Variants in GPM6A observed in about 807,000 individuals in gnomAD.
GPM6A encodes the protein neuronal membrane glycoprotein M6-a.
In GPM6A, 7 loss-of-function variants were observed where a neutral mutation model predicts 32.1. The ratio of observed to expected loss-of-function variants is 0.22; its 90% CI spans 0.12 to 0.41. The LOEUF (loss-of-function observed/expected upper bound fraction) is 0.41. GPM6A is among the 10% of genes least tolerant of loss of function. The probability of loss-of-function intolerance (pLI) is 1.00; values close to 1 mark genes in which losing one functional copy is unlikely to be tolerated. For synonymous variants in GPM6A, 130 were observed against 123.4 expected, an observed-to-expected ratio of 1.05 and a Z score of -0.35; for missense variants, 235 against 347.2, an observed-to-expected ratio of 0.68 and a Z score of 2.57.
chr4:175,793,744 A>G (rs1734104886), intron 1 of GPM6A, among the ~76,000 whole-genome samples: 1 of 152,174 alleles, frequency 6.6e-6, no homozygotes, highest in South Asian at 2.1e-4. Context: ...TGATGTCTTG[A>G]CTTCCAGAAA....
intron 1 of GPM6A, among the ~76,000 whole-genome samples, chr4:175,742,704 T>A (rs1166748152): frequency 6.6e-6 from 1 of 152,040 alleles, no homozygotes; most frequent in Non-Finnish European, 1.5e-5. Context: ...AGCTATATAC[T>A]AGAACATACA....
chr4:175,828,093 A>C (rs564742273), intron 1 of GPM6A, among the ~76,000 whole-genome samples: 1 of 152,330 alleles, frequency 6.6e-6, no homozygotes, highest in East Asian at 1.9e-4. Context: ...TTGTATATTC[A>C]TATACTGATT....
intron 3 of GPM6A, among the ~76,000 whole-genome samples, chr4:175,663,896 G>GAA (rs1298129682): frequency 6.6e-6 from 1 of 152,034 alleles, no homozygotes; most frequent in Non-Finnish European, 1.5e-5. Flanking sequence ...ATTTCACTGT[G>GAA]TTAGCCAAGA....
intron 1 of GPM6A, among the ~76,000 whole-genome samples, chr4:175,934,124 G>C (rs1007003309): frequency 1.3e-5 from 2 of 152,092 alleles, no homozygotes; most frequent in African/African-American, 4.8e-5. Flanking sequence ...AGAATAAAAG[G>C]GTTTTTCTGA....
intron 1 of GPM6A, among the ~76,000 whole-genome samples, chr4:175,847,141 A>G (rs543644876): frequency 1.3e-5 from 2 of 152,294 alleles, no homozygotes; most frequent in African/African-American, 2.4e-5. Flanking sequence ...AGGAAAACAC[A>G]TAGAATATGC....
At chr4:175,896,274 C>T (rs1359804857) in intron 1 of GPM6A, among the ~76,000 whole-genome samples, 2 of 152,006 alleles carry the variant, frequency 1.3e-5, no homozygotes, top group Non-Finnish European at 2.9e-5. Flanking sequence ...GACACTTAGC[C>T]CAATCCATAT....
intron 2 of GPM6A, among the ~76,000 whole-genome samples, chr4:175,681,365 A>G (rs1297830901): frequency 1.3e-5 from 2 of 152,178 alleles, no homozygotes; most frequent in African/African-American, 4.8e-5. Flanking sequence ...ATCTTTTAAT[A>G]TGATTATGGG....
chr4:175,715,845 A>C (rs1166225774), intron 1 of GPM6A, among the ~76,000 whole-genome samples: 2 of 151,992 alleles, frequency 1.3e-5, no homozygotes, highest in Non-Finnish European at 2.9e-5. Context: ...GCGGGCAGAT[A>C]ACCTGAGGTC....
intron 2 of GPM6A, among the ~76,000 whole-genome samples, chr4:175,678,656 A>G (rs1743511742): frequency 6.6e-6 from 1 of 152,156 alleles, no homozygotes; most frequent in Non-Finnish European, 1.5e-5. Flanking sequence ...CTATTTGTCA[A>G]AGGCAATGAG....
At chr4:175,673,154 C>A (rs543195135) in intron 3 of GPM6A, among the ~76,000 whole-genome samples, 138 of 152,118 alleles carry the variant, frequency 9.1e-4, no homozygotes, top group African/African-American at 1.1e-3. Flanking sequence ...TAGATAGATA[C>A]GCATTGTCTG....
intron 1 of GPM6A, among the ~76,000 whole-genome samples, chr4:175,850,668 G>C (rs1736225998): frequency 6.6e-6 from 1 of 151,772 alleles, no homozygotes; most frequent in Non-Finnish European, 1.5e-5. Context: ...CCCAATATCT[G>C]TTTATCTGAT....
chr4:175,994,381 G>C (rs1192051397), intron 1 of GPM6A, among the ~76,000 whole-genome samples: 4 of 152,260 alleles, frequency 2.6e-5, no homozygotes, highest in African/African-American at 2.4e-5. Flanking sequence ...TGCCTTAGAG[G>C]TATTTGGGGT....
chr4:175,649,156 A>G (rs1392678597), intron 4 of GPM6A, among the ~76,000 whole-genome samples: 2 of 152,146 alleles, frequency 1.3e-5, no homozygotes, highest in African/African-American at 4.8e-5. Flanking sequence ...AAATTATTTC[A>G]TTTCTTAGGG....
chr4:175,642,864 T>C (rs925728054), intron 4 of GPM6A, among the ~76,000 whole-genome samples: 2 of 152,124 alleles, frequency 1.3e-5, no homozygotes, highest in African/African-American at 2.4e-5. Flanking sequence ...CATCTGACCA[T>C]TCTATTTGGA....
intron 1 of GPM6A, among the ~76,000 whole-genome samples, chr4:175,983,990 G>GTCTCTCTCTCTCTCTCTCTCTGTC (rs149265312): frequency 6.8e-6 from 1 of 146,146 alleles, no homozygotes; most frequent in Non-Finnish European, 1.5e-5. Context: ...TGCTCTCTCT[G>GTCTCTCTCTCTCTCTCTCTCTGTC]TCTCTCTCTC....
At chr4:175,780,573 T>C (rs573682303) in intron 1 of GPM6A, among the ~76,000 whole-genome samples, 15 of 152,358 alleles carry the variant, frequency 9.8e-5, no homozygotes, top group Admixed American at 8.5e-4. Context: ...AACACATGCA[T>C]ATTCAAACCT....
chr4:175,900,660 T>G lies in GPM6A; in HGVS notation c.-22-88411A>C, dbSNP rs531506606. Among the ~76,000 whole-genome samples, 12 of 152,290 alleles carry G rather than the reference T, an allele frequency of 7.9e-5. No homozygotes were observed. In the East Asian group the frequency reaches 2.3e-3, roughly 29 times the overall value. ...GGATGTGGAGAAAAGGGAGCCCTTG[T>G]ACACTGTTGGTGGGAATATACACTA... On this transcript the variant is annotated intron_variant, in intron 1 of 7. Transcript: ENST00000280187.
intron 1 of GPM6A, among the ~76,000 whole-genome samples, chr4:175,889,812 C>CAAACA (rs1210414347): frequency 6.0e-5 from 9 of 149,576 alleles, no homozygotes; most frequent in African/African-American, 1.2e-4. Flanking sequence ...GACTCCGTCT[C>CAAACA]AAACAAAACA....
chr4:175,919,908 C>A (rs1738611372), intron 1 of GPM6A, among the ~76,000 whole-genome samples: 1 of 152,166 alleles, frequency 6.6e-6, no homozygotes, highest in Non-Finnish European at 1.5e-5. Context: ...TAAAAAGCAC[C>A]ATCTATGTGA....
Sources: gnomAD v4.1 joint callset for allele counts (sites outside exome capture counted in the v4.1 genomes callset) on GRCh38, gnomAD v4.1.1 for gene constraint, MANE v1.5 for transcripts, NCBI Gene and HGNC (gene_info 2026-07-23, HGNC 2026-07-21) for gene names.